The following KLF8 variants were observed in gnomAD, a reference collection of about 807,000 sequenced individuals.
The protein encoded by KLF8 is KLF transcription factor 8.
A neutral mutation model predicts 18.2 loss-of-function variants in KLF8; 10 were observed. The observed-to-expected ratio is 0.55, with a 90% CI of 0.34 to 0.93. The LOEUF (loss-of-function observed/expected upper bound fraction) is 0.93, where lower values mean the gene tolerates loss of function less well. Among genes scored for constraint, KLF8 ranks in the 40% least tolerant of loss-of-function variants. The pLI, the probability that KLF8 is intolerant of heterozygous loss-of-function variation, is 0.02. For missense variants in KLF8, 264 were observed against 277.9 expected, an observed-to-expected ratio of 0.95 and a Z score of 0.36; for synonymous variants, 109 against 97.3, an observed-to-expected ratio of 1.12 and a Z score of -0.71.
At chrX:56,239,557 G>A (rs925412082) in intron 1 of KLF8, among the ~76,000 whole-genome samples, 1 of 111,550 alleles carries the variant, frequency 9.0e-6, no homozygotes, top group African/African-American at 3.3e-5. Flanking sequence ...CTTCCTTCTG[G>A]TATTACCTCC....
chrX:56,037,958 T>A, the KLF8 span, among the ~76,000 whole-genome samples: 1 of 111,588 alleles, frequency 9.0e-6, no homozygotes, highest in Non-Finnish European at 1.9e-5. Context: ...CCATCCCACC[T>A]CCCCACCACT....
intron 2 of KLF8, among the ~76,000 whole-genome samples, chrX:56,259,954 G>A (rs979303944): frequency 9.0e-6 from 1 of 111,435 alleles, no homozygotes; most frequent in Non-Finnish European, 1.9e-5. Context: ...CTGTTCTGGA[G>A]GCCAGAAATC....
the KLF8 span, among the ~76,000 whole-genome samples, chrX:56,022,325 T>A: frequency 9.1e-6 from 1 of 109,450 alleles, no homozygotes; most frequent in Admixed American, 9.7e-5. Context: ...TGCGGGCGGA[T>A]CACGAGGTCA....
chrX:56,103,681 T>C, the KLF8 span, among the ~76,000 whole-genome samples: 3 of 111,451 alleles, frequency 2.7e-5, no homozygotes, highest in African/African-American at 9.8e-5. Flanking sequence ...ACTTCCTCTT[T>C]CCCTAATTGA....
chrX:56,257,901 T>A (rs1311372376), intron 2 of KLF8, among the ~76,000 whole-genome samples: 4 of 112,420 alleles, frequency 3.6e-5, no homozygotes, highest in Non-Finnish European at 7.5e-5. Flanking sequence ...GGTCAAATGG[T>A]AGTTCTGTAT....
intron 1 of KLF8, among the ~76,000 whole-genome samples, chrX:56,237,598 T>C (rs2066493623): frequency 8.9e-6 from 1 of 112,089 alleles, no homozygotes; most frequent in South Asian, 3.7e-4. Context: ...GTTTTTACTA[T>C]ATGCATGAGC....
At chrX:56,153,927 AAG>A in the KLF8 span, among the ~76,000 whole-genome samples, 69 of 111,590 alleles carry the variant, frequency 6.2e-4, no homozygotes, top group African/African-American at 2.0e-3. Flanking sequence ...AGTGAAATAA[AAG>A]AGGATACAAA....
intron 2 of KLF8, among the ~76,000 whole-genome samples, chrX:56,253,389 T>C (rs1351961002): frequency 1.8e-5 from 2 of 112,024 alleles, no homozygotes; most frequent in Admixed American, 9.5e-5. Context: ...TTTTTGTATA[T>C]GGTTAGAGAT....
At chrX:56,131,841 A>G in the KLF8 span, among the ~76,000 whole-genome samples, 1 of 112,099 alleles carries the variant, frequency 8.9e-6, no homozygotes, top group Admixed American at 9.5e-5. Flanking sequence ...AGCTATTCTT[A>G]TATCAGACAA....
At chrX:56,162,230 C>T in the KLF8 span, among the ~76,000 whole-genome samples, 1,374 of 112,049 alleles carry the variant, frequency 0.012, 17 homozygotes, top group African/African-American at 0.043. Flanking sequence ...GACCCACTTG[C>T]GGAGGCAGTC....
chrX:56,004,764 G>A, the KLF8 span, among the ~76,000 whole-genome samples: 1 of 111,735 alleles, frequency 8.9e-6, no homozygotes, highest in Non-Finnish European at 1.9e-5. Context: ...GGGACACAAA[G>A]CAGAGTGGAG....
chrX:56,197,148 A>T, the KLF8 span, among the ~76,000 whole-genome samples: 1 of 111,670 alleles, frequency 9.0e-6, no homozygotes, highest in Admixed American at 9.5e-5. Flanking sequence ...AGCAGGAAAG[A>T]TCTAAATTTG....
the KLF8 span, among the ~76,000 whole-genome samples, chrX:55,945,408 T>G: frequency 9.0e-6 from 1 of 111,453 alleles, no homozygotes; most frequent in Admixed American, 9.6e-5. Context: ...GTCTCATTGA[T>G]CTGTCTAATG....
chrX:55,959,473 G>T, the KLF8 span, among the ~76,000 whole-genome samples: 2 of 112,142 alleles, frequency 1.8e-5, no homozygotes, highest in African/African-American at 6.5e-5. Flanking sequence ...CATCAAGATA[G>T]AGGAGAAGGT....
chrX:56,041,475 A>ATTT, the KLF8 span, among the ~76,000 whole-genome samples: 192 of 93,969 alleles, frequency 2.0e-3, 2 homozygotes, highest in African/African-American at 7.1e-3. Flanking sequence ...CAGTCTATCT[A>ATTT]TTTTTTTTTT....
the KLF8 span, among the ~76,000 whole-genome samples, chrX:55,970,387 A>G: frequency 8.9e-6 from 1 of 111,786 alleles, no homozygotes; most frequent in African/African-American, 3.2e-5. Flanking sequence ...CCTTCATTAT[A>G]AAAACCCTCA....
the KLF8 span, among the ~76,000 whole-genome samples, chrX:56,006,964 C>A: frequency 6.3e-5 from 7 of 111,592 alleles, no homozygotes; most frequent in African/African-American, 2.0e-4. Context: ...GTTCTCAGGC[C>A]CCTCACTGTG....
the KLF8 span, among the ~76,000 whole-genome samples, chrX:56,163,670 G>T: frequency 1.8e-5 from 2 of 111,528 alleles, no homozygotes; most frequent in Non-Finnish European, 3.8e-5. Context: ...CTAAATCTTT[G>T]CCCACTCCTA....
At chrX:56,114,595 C>T in the KLF8 span, among the ~76,000 whole-genome samples, 1 of 112,631 alleles carries the variant, frequency 8.9e-6, no homozygotes, top group Admixed American at 9.4e-5. Flanking sequence ...GTGGAATGAC[C>T]GTCCTCATAT....
Sources: gnomAD v4.1 joint callset for allele counts (sites outside exome capture counted in the v4.1 genomes callset) on GRCh38, gnomAD v4.1.1 for gene constraint, MANE v1.5 for transcripts, NCBI Gene and HGNC (gene_info 2026-07-23, HGNC 2026-07-21) for gene names.